The following VPS13B variants were observed in gnomAD, a reference collection of about 807,000 sequenced individuals.
The protein encoded by VPS13B is vacuolar protein sorting 13 homolog B.
A neutral mutation model predicts 426.4 loss-of-function variants in VPS13B; 285 were observed. The observed-to-expected ratio is 0.67, with a 90% CI of 0.61 to 0.74. VPS13B has a LOEUF of 0.74. VPS13B is among the 30% of genes least tolerant of loss of function. The pLI, the probability that VPS13B is intolerant of heterozygous loss-of-function variation, is 0.00. For synonymous variants in VPS13B, 1,676 were observed against 1,676.4 expected (o/e 1.00, Z 0.01); for missense variants, 4,537 against 4,782.6 (o/e 0.95, Z 1.51).
chr8:99,627,980 G>T (rs768895953), intron 33 of VPS13B, among the ~76,000 whole-genome samples: 4 of 152,118 alleles, frequency 2.6e-5, no homozygotes, highest in Non-Finnish European at 2.9e-5. Context: ...GTGTACTGTG[G>T]CAGAAAAGTA....
intron 28 of VPS13B, among the ~76,000 whole-genome samples, chr8:99,508,551 T>C (rs1276156697): frequency 6.6e-6 from 1 of 152,182 alleles, no homozygotes; most frequent in East Asian, 1.9e-4. Context: ...TTTTGAGCTT[T>C]TACTAGCAAT....
At chr8:99,333,475 T>C (rs551650085) in intron 19 of VPS13B, among the ~76,000 whole-genome samples, 1 of 151,938 alleles carries the variant, frequency 6.6e-6, no homozygotes, top group South Asian at 2.1e-4. Flanking sequence ...ATTGATACAA[T>C]ACATAGATCT....
intron 51 of VPS13B, among the ~76,000 whole-genome samples, chr8:99,826,045 C>T (rs1247385667): frequency 6.6e-6 from 1 of 152,122 alleles, no homozygotes; most frequent in Non-Finnish European, 1.5e-5. Flanking sequence ...ATTGTCTTGG[C>T]TATGCATGCT....
intron 19 of VPS13B, among the ~76,000 whole-genome samples, chr8:99,298,301 C>T (rs1195142469): frequency 6.6e-6 from 1 of 152,008 alleles, no homozygotes; most frequent in Admixed American, 6.6e-5. Context: ...CCAGCCTGAC[C>T]AATATGGAGA....
intron 21 of VPS13B, among the ~76,000 whole-genome samples, chr8:99,406,299 C>G (rs1366857945): frequency 2.0e-5 from 3 of 151,482 alleles, no homozygotes; most frequent in Non-Finnish European, 4.4e-5. Flanking sequence ...TTTTGTATTC[C>G]CAGAGTCTAA....
At chr8:99,723,378 A>C (rs1833207974) in intron 39 of VPS13B, among the ~76,000 whole-genome samples, 1 of 152,150 alleles carries the variant, frequency 6.6e-6, no homozygotes, top group Non-Finnish European at 1.5e-5. Context: ...AAACTTTCTG[A>C]GTGTTAACAT....
At chr8:99,664,007 ATTT>A (rs202131297) in intron 35 of VPS13B, among the ~76,000 whole-genome samples, 1 of 141,496 alleles carries the variant, frequency 7.1e-6, no homozygotes. Flanking sequence ...TAGAAATGTG[ATTT>A]TTTTTTTTTT....
intron 35 of VPS13B, chr8:99,697,641 A>C: frequency 4.6e-6 from 3 of 648,938 alleles, no homozygotes; most frequent in Non-Finnish European, 8.6e-6. Context: ...AGCCACCAAG[A>C]GACTGACAGA....
intron 8 of VPS13B, among the ~76,000 whole-genome samples, chr8:99,124,699 A>G (rs998696771): frequency 6.6e-6 from 1 of 151,994 alleles, no homozygotes; most frequent in Admixed American, 6.6e-5. Context: ...AGCCTGGCCA[A>G]CATGTTGAAA....
intron 17 of VPS13B, among the ~76,000 whole-genome samples, chr8:99,265,845 GC>G (rs1378801158): frequency 6.6e-6 from 1 of 152,144 alleles, no homozygotes; most frequent in Non-Finnish European, 1.5e-5. Context: ...GCTACTCATT[GC>G]TACTTGTTCA....
intron 33 of VPS13B, among the ~76,000 whole-genome samples, chr8:99,610,433 T>C (rs1827793890): frequency 6.6e-6 from 1 of 152,188 alleles, no homozygotes; most frequent in African/African-American, 2.4e-5. Context: ...TCATGTCCTT[T>C]GCGGGGACAT....
At chr8:99,680,071 T>A (rs1259414712) in intron 35 of VPS13B, among the ~76,000 whole-genome samples, 3 of 152,130 alleles carry the variant, frequency 2.0e-5, no homozygotes, top group African/African-American at 7.2e-5. Context: ...GTCTAAAAAA[T>A]TTTTTATCTT....
chr8:99,536,728 T>A, intron 30 of VPS13B: 1 of 534,170 alleles, frequency 1.9e-6, no homozygotes, highest in Non-Finnish European at 3.8e-6. Context: ...ACAGCATGTC[T>A]TTGGCATTAA....
chr8:99,849,491 A>G (rs1454675798), intron 55 of VPS13B, among the ~76,000 whole-genome samples: 1 of 152,248 alleles, frequency 6.6e-6, no homozygotes, highest in African/African-American at 2.4e-5. Context: ...AATTTATCAA[A>G]TTAACAATGA....
chr8:99,870,177 C>CTTT (rs113637410), intron 59 of VPS13B, among the ~76,000 whole-genome samples: 5 of 148,984 alleles, frequency 3.4e-5, no homozygotes, highest in Admixed American at 2.7e-4. Flanking sequence ...ACAATCTAGA[C>CTTT]TTTTTTTTTT....
At chr8:99,113,287 A>G (rs1847470106) in intron 6 of VPS13B, among the ~76,000 whole-genome samples, 1 of 152,056 alleles carries the variant, frequency 6.6e-6, no homozygotes, top group Admixed American at 6.6e-5. Context: ...TTTTTTGTAG[A>G]GACGGAGTCT....
At chr8:99,626,993 T>C (rs1828642501) in intron 33 of VPS13B, among the ~76,000 whole-genome samples, 1 of 152,258 alleles carries the variant, frequency 6.6e-6, no homozygotes, top group East Asian at 1.9e-4. Flanking sequence ...CTTGAGGACA[T>C]TATGCTAAGT....
At chr8:99,777,047 T>C in intron 41 of VPS13B, 91 bp downstream of exon 41, 3 of 1,471,750 alleles carry the variant, frequency 2.0e-6, no homozygotes, top group Non-Finnish European at 2.8e-6. Flanking sequence ...CAATCTTAGA[T>C]AATGTATTTT....
rs529116758 is a variant in VPS13B, at chr8:99,528,854, T to G, written c.4745+7844T>G. ...AATATCAGCATTAATTATTCATGAG[T>G]ATATTTAAGTAAATACATTACCTTT... On this transcript the variant is annotated intron_variant, in intron 30 of 61. Coordinates refer to ENST00000357162, the MANE Select transcript of VPS13B (RefSeq NM_152564.5). Among the ~76,000 whole-genome samples, 258 of 152,196 alleles carry G rather than the reference T, an allele frequency of 1.7e-3. 2 individuals are homozygous for G. Among genetic ancestry groups the G allele is most frequent in the South Asian group, 5.8e-3 (28 of 4,818 alleles).
Sources: gnomAD v4.1 joint callset for allele counts (sites outside exome capture counted in the v4.1 genomes callset) on GRCh38, gnomAD v4.1.1 for gene constraint, MANE v1.5 for transcripts, NCBI Gene and HGNC (gene_info 2026-07-23, HGNC 2026-07-21) for gene names.